ADGRL3: variants seen among roughly 807,000 people sequenced by gnomAD.
The protein encoded by ADGRL3 is calcium-independent alpha-latrotoxin receptor 3.
A neutral mutation model predicts 153.5 loss-of-function variants in ADGRL3; 62 were observed. The ratio of observed to expected loss-of-function variants is 0.40; its 90% CI spans 0.33 to 0.50. ADGRL3 has a LOEUF of 0.50. ADGRL3 is among the 20% of genes least tolerant of loss of function. ADGRL3 has a pLI of 0.47. For synonymous variants in ADGRL3, 710 were observed against 672.5 expected, an observed-to-expected ratio of 1.06 and a Z score of -0.86; for missense variants, 1,641 against 1,859.4, an observed-to-expected ratio of 0.88 and a Z score of 2.16.
intron 5 of ADGRL3, among the ~76,000 whole-genome samples, chr4:61,601,756 A>G (rs1408070201): frequency 6.6e-6 from 1 of 152,184 alleles, no homozygotes; most frequent in African/African-American, 2.4e-5. Context: ...GGAAGACAAC[A>G]TAATTGTTTT....
intron 8 of ADGRL3, among the ~76,000 whole-genome samples, chr4:61,743,336 AAAAAAAAAAAG>A (rs2096607352): frequency 6.6e-6 from 1 of 151,254 alleles, no homozygotes. Flanking sequence ...AAAAAAAAAA[AAAAAAAAAAAG>A]AAAAGAGAAA....
At chr4:61,905,821 G>A (rs1432821673) in intron 11 of ADGRL3, among the ~76,000 whole-genome samples, 1 of 151,532 alleles carries the variant, frequency 6.6e-6, no homozygotes, top group Non-Finnish European at 1.5e-5. Flanking sequence ...CTTGAACTGG[G>A]GAGACAGAGG....
At chr4:61,870,297 A>G (rs2098436331) in intron 9 of ADGRL3, among the ~76,000 whole-genome samples, 1 of 152,184 alleles carries the variant, frequency 6.6e-6, no homozygotes, top group Non-Finnish European at 1.5e-5. Flanking sequence ...CTTATACTAT[A>G]CACAAAAATT....
At chr4:61,294,114 T>C (rs1035615256) in intron 1 of ADGRL3, among the ~76,000 whole-genome samples, 2 of 152,266 alleles carry the variant, frequency 1.3e-5, no homozygotes, top group African/African-American at 4.8e-5. Context: ...AATTGGAATT[T>C]TGATCTTGTT....
At chr4:61,284,578 C>A (rs951411493) in intron 1 of ADGRL3, among the ~76,000 whole-genome samples, 4 of 151,800 alleles carry the variant, frequency 2.6e-5, no homozygotes, top group African/African-American at 9.7e-5. Context: ...AATGACTAAT[C>A]CAGAAATATA....
intron 19 of ADGRL3, among the ~76,000 whole-genome samples, chr4:61,986,702 A>G (rs1174767768): frequency 6.6e-6 from 1 of 152,238 alleles, no homozygotes; most frequent in Non-Finnish European, 1.5e-5. Flanking sequence ...AGATAGGAAA[A>G]GATAGGGAAA....
chr4:61,744,807 C>A (rs1199666217), intron 8 of ADGRL3, among the ~76,000 whole-genome samples: 2 of 152,196 alleles, frequency 1.3e-5, no homozygotes, highest in East Asian at 3.8e-4. Flanking sequence ...AAGCAGAGCA[C>A]CTCTCCCCCT....
chr4:62,070,671 A>G lies in ADGRL3; in HGVS notation c.4395A>G (p.Thr1465=). Reference sequence around the variant, plus strand: ...CGACACTGGCTGGTGTGGCCGCCACAGAGAGTGTTACCACCAGCACCCAGA... The same window carrying G: ...CGACACTGGCTGGTGTGGCCGCCACGGAGAGTGTTACCACCAGCACCCAGA... The part of the protein sequence containing the change: ...SMPTLAGVAA[T]ESVTTSTQTE... The change falls in exon 27 of 27, where the codon ACA becomes ACG. Residue 1465 remains threonine (T), a synonymous_variant. Coordinates refer to ENST00000683033, the MANE Select transcript of ADGRL3 (RefSeq NM_001387552.1). 2 of 1,551,528 alleles carry G rather than the reference A, an allele frequency of 1.3e-6. No homozygotes were observed. Among genetic ancestry groups the G allele is most frequent in the South Asian group, 1.2e-5 (1 of 84,048 alleles).
At chr4:61,989,664 A>G (rs181511570) in intron 19 of ADGRL3, among the ~76,000 whole-genome samples, 99 of 152,126 alleles carry the variant, frequency 6.5e-4, no homozygotes, top group African/African-American at 2.3e-3. Flanking sequence ...ACTTTTTTCT[A>G]TTAAGAAGTT....
chr4:61,612,450 A>G (rs1481744890), intron 5 of ADGRL3, among the ~76,000 whole-genome samples: 2 of 152,140 alleles, frequency 1.3e-5, no homozygotes, highest in Admixed American at 6.6e-5. Flanking sequence ...TCCTGAAAAT[A>G]TACACCTTTT....
intron 2 of ADGRL3, among the ~76,000 whole-genome samples, chr4:61,384,985 G>A (rs771892266): frequency 4.6e-5 from 7 of 152,140 alleles, no homozygotes; most frequent in Non-Finnish European, 1.0e-4. Context: ...GTAGAGAGCA[G>A]TGATAGCTGC....
chr4:61,787,640 C>T (rs2097293049), intron 8 of ADGRL3, among the ~76,000 whole-genome samples: 3 of 152,082 alleles, frequency 2.0e-5, no homozygotes, highest in Non-Finnish European at 4.4e-5. Context: ...CTTGTCAGAA[C>T]TATTTATAAA....
intron 1 of ADGRL3, among the ~76,000 whole-genome samples, chr4:61,366,674 A>C (rs1413297538): frequency 6.6e-6 from 1 of 152,090 alleles, no homozygotes; most frequent in Admixed American, 6.6e-5. Context: ...TTTAGGTAAT[A>C]TTTTTTAGTA....
intron 5 of ADGRL3, among the ~76,000 whole-genome samples, chr4:61,616,585 A>T (rs1268676053): frequency 6.6e-6 from 1 of 152,128 alleles, no homozygotes; most frequent in African/African-American, 2.4e-5. Context: ...TGCCAGTTGG[A>T]AAAATAGTCT....
rs530620701 is a variant in ADGRL3 at position 61,557,993 on chromosome 4, CT to C, written c.260-29232del. 3.3e-5 allele frequency among the ~76,000 whole-genome samples: 5 copies of C among 151,310 alleles called. No individual in the cohort carries two copies. The South Asian group carries it at 1.0e-3, about 32-fold the overall frequency. On this transcript the variant is annotated intron_variant, in intron 4 of 26. Coordinates refer to ENST00000683033, the MANE Select transcript of ADGRL3 (RefSeq NM_001387552.1). ...AACTTACAGCAACCTTGATATCGGGCTTGTGAAATGATTTCAAAAGTGTCTC... is the reference window on the plus strand; with the variant it reads ...AACTTACAGCAACCTTGATATCGGGCTGTGAAATGATTTCAAAAGTGTCTC...
At position 61,645,415 on chromosome 4, in the gene ADGRL3, G is replaced by A. The variant is rs867931353; in HGVS notation, c.474-31411G>A. Among the ~76,000 whole-genome samples the A allele has an allele frequency of 4.5e-4, 68 of 150,654 alleles. No homozygotes were observed. In the Middle Eastern group the frequency reaches 0.014, roughly 30 times the overall value. ...TTACATTTTGGCATGATTTTGCAGC[G>A]GCTGGTACCGGTTGTTCCTTTCCAT... On this transcript the variant is annotated intron_variant, in intron 5 of 26. Coordinates refer to ENST00000683033, the MANE Select transcript of ADGRL3 (RefSeq NM_001387552.1).
intron 1 of ADGRL3, among the ~76,000 whole-genome samples, chr4:61,287,654 C>T (rs1560428607): frequency 6.6e-6 from 1 of 151,866 alleles, no homozygotes; most frequent in Non-Finnish European, 1.5e-5. Flanking sequence ...AAAGCTGCCT[C>T]CCTGTTGTGT....
rs138758403 is a variant in ADGRL3 at position 61,786,601 on chromosome 4, A to G, written c.1400-27208A>G. On this transcript the variant is annotated intron_variant, in intron 8 of 26. Coordinates refer to ENST00000683033, the MANE Select transcript of ADGRL3 (RefSeq NM_001387552.1). ...GCCATCGGAGTATTACACTTCCCAT[A>G]GTTTTTGTTTGTTTTTATTTTTAAA... Among the ~76,000 whole-genome samples the G allele has an allele frequency of 5.0e-4, 76 of 152,318 alleles. No individual in the cohort carries two copies. The East Asian group carries it at 6.0e-3, about 12-fold the overall frequency.
chr4:61,296,582 G>T (rs940212859), intron 1 of ADGRL3, among the ~76,000 whole-genome samples: 1 of 152,154 alleles, frequency 6.6e-6, no homozygotes, highest in Non-Finnish European at 1.5e-5. Context: ...TACTGGATTA[G>T]AATTAAGGGA....
Sources: gnomAD v4.1 joint callset for allele counts (sites outside exome capture counted in the v4.1 genomes callset) on GRCh38, gnomAD v4.1.1 for gene constraint, MANE v1.5 for transcripts, NCBI Gene and HGNC (gene_info 2026-07-23, HGNC 2026-07-21) for gene names.